The following BCOR variants were observed in gnomAD, a reference collection of about 807,000 sequenced individuals.
BCOR encodes BCL6 corepressor, also known as BCL-6 corepressor.
A neutral mutation model predicts 86.7 loss-of-function variants in BCOR; 10 were observed. That is an observed-to-expected ratio of 0.12 (90% CI 0.07 to 0.20). The LOEUF (loss-of-function observed/expected upper bound fraction) is 0.20, where lower values mean the gene tolerates loss of function less well. BCOR is among the 10% of genes least tolerant of loss of function. The pLI is 1.00. For synonymous variants in BCOR, 611 were observed against 609.0 expected (o/e 1.00, Z -0.05); for missense variants, 1,259 against 1,452.1 (o/e 0.87, Z 2.16).
intron 1 of BCOR, among the ~76,000 whole-genome samples, chrX:40,107,180 C>T (rs1937205996): frequency 8.9e-6 from 1 of 112,136 alleles, no homozygotes. Context: ...TGCACAGCCC[C>T]CTCCCGTATA....
At chrX:40,131,658 GA>G (rs1292012926) in intron 1 of BCOR, among the ~76,000 whole-genome samples, 4 of 90,887 alleles carry the variant, frequency 4.4e-5, no homozygotes, top group Non-Finnish European at 9.3e-5. Context: ...TAAAAGAGAA[GA>G]GAAGAGAAGA....
intron 1 of BCOR, among the ~76,000 whole-genome samples, chrX:40,107,911 T>C (rs1266516342): frequency 2.6e-5 from 3 of 113,678 alleles, no homozygotes; most frequent in Admixed American, 9.2e-5. Flanking sequence ...GGCGAAATCC[T>C]TATTGATGTG....
chrX:40,110,469 T>C, intron 1 of BCOR, among the ~76,000 whole-genome samples: 1 of 108,475 alleles, frequency 9.2e-6, no homozygotes. Flanking sequence ...TGAATCCCTA[T>C]GGGGGAAAAA....
intron 1 of BCOR, among the ~76,000 whole-genome samples, chrX:40,175,200 C>T (rs1159215076): frequency 8.8e-6 from 1 of 113,279 alleles, no homozygotes; most frequent in African/African-American, 3.2e-5. Flanking sequence ...AGGGGCTCAG[C>T]ACGGATCGTT....
intron 1 of BCOR, among the ~76,000 whole-genome samples, chrX:40,162,193 T>C (rs1437266555): frequency 8.9e-6 from 1 of 112,239 alleles, no homozygotes; most frequent in Admixed American, 9.4e-5. Flanking sequence ...CACCTTCTCT[T>C]TTCTTCTGGA....
chrX:40,110,659 TCC>T (rs1336100224), intron 1 of BCOR, among the ~76,000 whole-genome samples: 2 of 62,135 alleles, frequency 3.2e-5, no homozygotes, highest in East Asian at 5.8e-4. Flanking sequence ...TTTTCTTTTT[TCC>T]TTTTTCTTTT....
intron 10 of BCOR, among the ~76,000 whole-genome samples, chrX:40,058,888 G>A (rs1156455334): frequency 8.9e-6 from 1 of 111,969 alleles, no homozygotes; most frequent in Admixed American, 9.5e-5. Flanking sequence ...CCAGACTCGA[G>A]TGGACGGCTG....
At chrX:40,064,636 C>G in intron 6 of BCOR, 37 bp from the exon 7 acceptor site, 1 of 1,206,745 alleles carries the variant, frequency 8.3e-7, no homozygotes, top group Non-Finnish European at 1.1e-6. Flanking sequence ...TAATGAAGCC[C>G]GAAGGTCGCC....
rs1328008945 is a variant in BCOR, at chrX:40,064,592, A to G, written c.3246T>C (p.Tyr1082=). The change falls in exon 7 of 15, where the codon TAT becomes TAC. Residue 1082 remains tyrosine, a synonymous_variant. Coordinates refer to ENST00000378444, the MANE Select transcript of BCOR (RefSeq NM_001123385.2). ...AEQNESERCE[Y]SVGNKHRDPF... Reference sequence around the variant, plus strand: ...GATCACGGTGCTTGTTTCCAACACTATACTCGCCTGGGGGAGGGGAGACAA... The same window carrying G: ...GATCACGGTGCTTGTTTCCAACACTGTACTCGCCTGGGGGAGGGGAGACAA... The G allele has an allele frequency of 8.3e-7, 1 of 1,210,681 alleles. No individual in the cohort carries two copies. The highest frequency in any genetic ancestry group is 1.1e-6 in the Non-Finnish European group (1 of 894,929).
intron 1 of BCOR, among the ~76,000 whole-genome samples, chrX:40,169,424 CCAA>C (rs1938572706): frequency 8.9e-6 from 1 of 111,838 alleles, no homozygotes; most frequent in Non-Finnish European, 1.9e-5. Flanking sequence ...TCGAAATCGG[CCAA>C]CCATTTAGTT....
chrX:40,106,201 C>G (rs1294512914), intron 1 of BCOR, among the ~76,000 whole-genome samples: 5 of 111,850 alleles, frequency 4.5e-5, no homozygotes, highest in African/African-American at 1.6e-4. Context: ...CCCCCACCTC[C>G]GTCCCACCCT....
At chrX:40,060,084 T>C (rs5963729) in intron 10 of BCOR, among the ~76,000 whole-genome samples, 24,418 of 111,310 alleles carry the variant, frequency 0.22, 2,321 homozygotes, top group African/African-American at 0.33. Flanking sequence ...TTGGGAAACC[T>C]CTCCCAAAGC....
intron 1 of BCOR, among the ~76,000 whole-genome samples, chrX:40,086,757 C>T (rs1270541167): frequency 8.8e-6 from 1 of 113,718 alleles, no homozygotes; most frequent in African/African-American, 3.2e-5. Context: ...TCCCCCCTTA[C>T]CACATAGTTA....
chrX:40,167,216 C>G (rs1470362198), intron 1 of BCOR, among the ~76,000 whole-genome samples: 1 of 112,969 alleles, frequency 8.9e-6, no homozygotes, highest in Non-Finnish European at 1.9e-5. Context: ...TAAAAAACCT[C>G]AACGTTTGCT....
At chrX:40,170,654 A>C (rs1938601864) in intron 1 of BCOR, among the ~76,000 whole-genome samples, 1 of 111,854 alleles carries the variant, frequency 8.9e-6, no homozygotes, top group Non-Finnish European at 1.9e-5. Flanking sequence ...AGCCTTCTTA[A>C]AATGTGATTT....
In BCOR at chrX:40,118,589, C is replaced by A. The variant is rs140993438; in HGVS notation, c.-40-40620G>T. ...GCCCAAGACATTCTTACAACCTGGC[C>A]GACTCTAGATCCAGTCTTATCTTCC... is the stretch of plus-strand genomic sequence containing the variant. On this transcript the variant is annotated intron_variant, in intron 1 of 14. Coordinates refer to the BCOR transcript ENST00000342274. Among the ~76,000 whole-genome samples, 1,085 of 111,492 alleles carry A rather than the reference C, an allele frequency of 9.7e-3. 5 individuals are homozygous for A. The highest frequency in any genetic ancestry group is 0.026 in the South Asian group (70 of 2,660).
rs17145652 is a variant in BCOR at position 40,073,567 on chromosome X, G to T, written c.1779C>A (p.Ser593=). 3.1e-3 allele frequency: 3,696 copies of T among 1,211,089 alleles called. 55 individuals are homozygous for T. In the African/African-American group the frequency reaches 0.05, roughly 16 times the overall value. ...TSRSSVETTP[S]VIQHVGQPPA... Reference sequence around the variant, plus strand: ...GGGGCTGGCCCACGTGCTGAATAACGGATGGTGTGGTTTCTACAGAGCTCC... The same window carrying T: ...GGGGCTGGCCCACGTGCTGAATAACTGATGGTGTGGTTTCTACAGAGCTCC... Residue 593 remains serine, a synonymous_variant, in exon 4 of 15, where the codon TCC becomes TCA. Coordinates refer to ENST00000378444, the MANE Select transcript of BCOR (RefSeq NM_001123385.2).
At chrX:40,065,218 A>AG (rs1285022194) in intron 6 of BCOR, among the ~76,000 whole-genome samples, 4 of 112,376 alleles carry the variant, frequency 3.6e-5, no homozygotes, top group African/African-American at 1.3e-4. Flanking sequence ...AGAGGGAGGC[A>AG]GGGAACCCAG....
At chrX:40,176,681 T>C (rs1305559491) in intron 1 of BCOR, among the ~76,000 whole-genome samples, 1 of 105,612 alleles carries the variant, frequency 9.5e-6, no homozygotes, top group Non-Finnish European at 1.9e-5. Flanking sequence ...TAACTCGCGC[T>C]CCTCCCTCGC....
Sources: allele counts gnomAD v4.1 joint callset (sites outside exome capture counted in the v4.1 genomes callset), GRCh38; gene constraint gnomAD v4.1.1; transcripts MANE v1.5; gene names NCBI Gene and HGNC (gene_info 2026-07-23, HGNC 2026-07-21).